SAMD14: variants seen among roughly 807,000 people sequenced by gnomAD.
The protein encoded by SAMD14 is sterile alpha motif domain containing 14.
A neutral mutation model predicts 46.2 loss-of-function variants in SAMD14; 27 were observed. That is an observed-to-expected ratio of 0.58 (90% CI 0.43 to 0.81). SAMD14 has a LOEUF of 0.81. Among genes scored for constraint, SAMD14 ranks in the 30% least tolerant of loss-of-function variants. The probability of loss-of-function intolerance (pLI) is 0.00; values close to 1 mark genes in which losing one functional copy is unlikely to be tolerated. For missense variants in SAMD14, 559 were observed against 582.2 expected, an observed-to-expected ratio of 0.96 and a Z score of 0.41; for synonymous variants, 241 against 254.3, an observed-to-expected ratio of 0.95 and a Z score of 0.50.
chr17:50,117,850 T>G, intron 3 of SAMD14, 155 bp from the exon 4 acceptor site: 1 of 803,986 alleles, frequency 1.2e-6, no homozygotes, highest in Non-Finnish European at 1.8e-6. Context: ...GGCTGGAGAG[T>G]GAGAGGTGGG....
rs985644153 is a variant in SAMD14 at position 50,124,011 on chromosome 17, G to A, written c.43+906C>T. 16 of 447,542 alleles carry A rather than the reference G, an allele frequency of 3.6e-5. 1 individual carries two copies. Among genetic ancestry groups the A allele is most frequent in the South Asian group, 9.4e-5 (6 of 64,050 alleles). 27.7% of individuals were successfully genotyped at this position (447,542 alleles called of 1,614,324 possible). ...TCCTGGCATGACCAGGGGAGAGAGG[G>A]AAGAAGGGAGAGATGAGGAGAAGCT... On this transcript the variant is annotated intron_variant, in intron 2 of 9. Coordinates refer to ENST00000330175, the MANE Select transcript of SAMD14 (RefSeq NM_001257359.2).
chr17:50,125,160 G>A, intron 1 of SAMD14, 189 bp from the exon 2 acceptor site: 1 of 583,476 alleles, frequency 1.7e-6, no homozygotes, highest in Non-Finnish European at 3.0e-6. Flanking sequence ...GGGCGCCGGG[G>A]CAGGCAGTAT....
At position 50,111,328 on chromosome 17, in the gene SAMD14, A is replaced by C. The variant is rs1305536332; in HGVS notation, c.*1565T>G. 1 of 152,294 alleles carries C rather than the reference A, an allele frequency of 6.6e-6. No homozygotes were observed. The highest frequency in any genetic ancestry group is 2.4e-5 in the African/African-American group (1 of 41,468). The allele number at this position is 152,294 out of a possible 1,614,324, so 9.4% of individuals were successfully genotyped here. A position where few individuals can be genotyped will look rare whatever the true frequency, so the allele number is the denominator to read the frequency against. On this transcript the variant is annotated 3_prime_UTR_variant, in exon 10 of 10. Transcript: ENST00000330175. ...CAGAAATTCTGGTCACTGGCACATC[A>C]TAAGGATTTATTGAAATAAATTGAG... is the stretch of plus-strand genomic sequence containing the variant.
Position 50,129,305 on chromosome 17 carries a change from G to A in SAMD14, c.-13+212C>T, listed in dbSNP as rs951949135. On this transcript the variant is annotated intron_variant, in intron 1 of 9. Transcript: ENST00000330175. This position sits in a 1 kb window ranked among gnomAD's most constrained non-coding sequence, Gnocchi z 5.6. Reference sequence around the variant, plus strand: ...CAGCTTTTTATTAATTTCTCCGGGCGTCGGGCGGGAGGGAGGGGATTAGGG... The same window carrying A: ...CAGCTTTTTATTAATTTCTCCGGGCATCGGGCGGGAGGGAGGGGATTAGGG... 6.6e-6 allele frequency among the ~76,000 whole-genome samples: 1 copy of A among 151,778 alleles called. No homozygotes were observed. The highest frequency in any genetic ancestry group is 2.4e-5 in the African/African-American group (1 of 41,338).
At chr17:50,118,026 A>T in intron 3 of SAMD14, 135 bp downstream of exon 3, 1 of 951,746 alleles carries the variant, frequency 1.1e-6, no homozygotes, top group East Asian at 2.7e-5. Context: ...ACTGCAGCTA[A>T]CACTTGGCAG....
intron 2 of SAMD14, among the ~76,000 whole-genome samples, chr17:50,121,855 T>A (rs1000033875): frequency 2.0e-5 from 3 of 152,198 alleles, no homozygotes; most frequent in Admixed American, 6.5e-5. Flanking sequence ...GCCGGCTGGG[T>A]GACTCTGGGC....
intron 1 of SAMD14, among the ~76,000 whole-genome samples, chr17:50,128,453 T>C (rs1911875865): frequency 8.5e-6 from 1 of 117,776 alleles, no homozygotes; most frequent in African/African-American, 3.4e-5. Context: ...GCCCCCACTC[T>C]CACTCCCACA....
intron 3 of SAMD14, 160 bp from the exon 4 acceptor site, chr17:50,117,855 G>C (rs1346493025): frequency 1.3e-6 from 1 of 781,858 alleles, no homozygotes; most frequent in African/African-American, 1.8e-5. Context: ...GAGAGTGAGA[G>C]GTGGGAAACA....
At chr17:50,113,331 C>T (rs901776571) in intron 9 of SAMD14, 6 of 408,772 alleles carry the variant, frequency 1.5e-5, no homozygotes, top group Non-Finnish European at 2.2e-5. Context: ...CCCGGACCTG[C>T]CCAACCTCCT....
rs747048884 is a variant in SAMD14 at position 50,115,878 on chromosome 17, C to T, written c.614G>A (p.Gly205Asp). The change falls in exon 6 of 10, where the codon GGC becomes GAC. Residue 205 changes from glycine to aspartate, a missense_variant. Coordinates refer to ENST00000330175, the MANE Select transcript of SAMD14 (RefSeq NM_001257359.2). This position sits in a 1 kb window ranked among gnomAD's most constrained non-coding sequence, Gnocchi z 5.3. ...LGVTLRRAST[G>D]KSRKEKGSNR... ...GCTGCCTTTCTCCTTCCGGCTCTTG[C>T]CCGTGGATGCTCGGCGCAGGGTGAC... The T allele has an allele frequency of 6.2e-7, 1 of 1,613,068 alleles. No individual in the cohort carries two copies. Among genetic ancestry groups the T allele is most frequent in the Non-Finnish European group, 8.5e-7 (1 of 1,179,734 alleles).
intron 7 of SAMD14, chr17:50,114,656 C>T (rs899986126): frequency 5.8e-6 from 3 of 519,954 alleles, no homozygotes; most frequent in African/African-American, 3.9e-5. Context: ...GGCCTTAGTA[C>T]CCCAGCTAAT....
At chr17:50,114,500 A>G in intron 7 of SAMD14, 194 bp from the exon 8 acceptor site, 1 of 1,529,918 alleles carries the variant, frequency 6.5e-7, no homozygotes, top group Non-Finnish European at 8.9e-7. Flanking sequence ...TTGGGAGAGC[A>G]GGCAGCCATC....
rs1276112312 is a variant in SAMD14, at chr17:50,129,621, C to T, written c.-117G>A. On this transcript the variant is annotated 5_prime_UTR_variant, in exon 1 of 10. Coordinates refer to ENST00000330175, the MANE Select transcript of SAMD14 (RefSeq NM_001257359.2). The surrounding 1 kb of genome is among the most constrained non-coding windows in gnomAD (Gnocchi z 5.6). ...GAGAGGGGTGGGGGGACCGTCACCCCGGCCGCGGGGGGCTCCGGGCGGGCT... is the reference window on the plus strand; with the variant it reads ...GAGAGGGGTGGGGGGACCGTCACCCTGGCCGCGGGGGGCTCCGGGCGGGCT... The T allele has an allele frequency of 1.3e-5, 2 of 150,852 alleles. No individual in the cohort carries two copies. The highest frequency in any genetic ancestry group is 6.6e-5 in the Admixed American group (1 of 15,200). The allele number at this position is 150,852 out of a possible 1,614,324, so 9.3% of individuals were successfully genotyped here. A position where few individuals can be genotyped will look rare whatever the true frequency, so the allele number is the denominator to read the frequency against.
In SAMD14 at chr17:50,114,279, G is replaced by A. The variant is rs1286610388; in HGVS notation, c.850C>T (p.Pro284Ser). ...QESTLSDDST[P>S]PSSSPKIPSG... is the part of the protein sequence containing the mutation. ...GGGATCTTGGGGCTGCTGCTGGGGG[G>A]CGTGGAGTCATCACTCAGAGTGGAT... The change falls in exon 8 of 10, where the codon CCC (proline) becomes TCC (serine). Residue 284 changes from proline (P) to serine (S), a missense_variant. By Grantham distance (74) the Pro-to-Ser change is moderately conservative. Coordinates refer to ENST00000330175, the MANE Select transcript of SAMD14 (RefSeq NM_001257359.2). 3 of 1,614,102 alleles carry A rather than the reference G, an allele frequency of 1.9e-6. No individual in the cohort carries two copies. Among genetic ancestry groups the A allele is most frequent in the Non-Finnish European group, 2.5e-6 (3 of 1,180,006 alleles).
chr17:50,117,011 C>A (rs1911239753), intron 4 of SAMD14, among the ~76,000 whole-genome samples: 1 of 151,890 alleles, frequency 6.6e-6, no homozygotes, highest in Non-Finnish European at 1.5e-5. Context: ...GCATACCACG[C>A]GGGGCTAATT....
intron 2 of SAMD14, among the ~76,000 whole-genome samples, chr17:50,118,728 T>C (rs1469608888): frequency 3.3e-5 from 5 of 151,976 alleles, no homozygotes; most frequent in Non-Finnish European, 7.4e-5. Flanking sequence ...CCAGGGACAG[T>C]TGGAGGGTAG....
chr17:50,128,911 C>T (rs893305351), intron 1 of SAMD14, among the ~76,000 whole-genome samples: 1 of 152,086 alleles, frequency 6.6e-6, no homozygotes, highest in Non-Finnish European at 1.5e-5. Context: ...AGAAGCCCTT[C>T]GGGCAGGCGA....
intron 1 of SAMD14, among the ~76,000 whole-genome samples, chr17:50,127,946 A>G (rs1205212159): frequency 8.5e-5 from 13 of 152,090 alleles, no homozygotes; most frequent in Admixed American, 8.5e-4. Flanking sequence ...CCCTTCTCCA[A>G]CTACTGGGAA....
rs1475178259 is a variant in SAMD14, at chr17:50,115,715, A to G, written c.671T>C (p.Val224Ala). ...NRLSMGSRES[V>A]EGSGRSGGSP... ...GCCCCCTGACCTGCCGGACCCCTCC[A>G]CTGACTCCCTGCAGAGAGAGTGTCC... is the stretch of plus-strand genomic sequence containing the variant. The change falls in exon 7 of 10, where the codon GTG becomes GCG. Residue 224 changes from valine (V) to alanine (A), a missense_variant. By Grantham distance (64) the Val-to-Ala change is moderately conservative. Coordinates refer to ENST00000330175, the MANE Select transcript of SAMD14 (RefSeq NM_001257359.2). This position sits in a 1 kb window ranked among gnomAD's most constrained non-coding sequence, Gnocchi z 5.3. 1 of 1,606,138 alleles carries G rather than the reference A, an allele frequency of 6.2e-7. No individual in the cohort carries two copies. The highest frequency in any genetic ancestry group is 2.2e-5 in the East Asian group (1 of 44,722).
Sources: gnomAD v4.1 joint callset for allele counts (sites outside exome capture counted in the v4.1 genomes callset) on GRCh38, gnomAD v4.1.1 for gene constraint, Gnocchi (gnomAD v3.1) non-coding constraint, MANE v1.5 for transcripts, NCBI Gene and HGNC (gene_info 2026-07-23, HGNC 2026-07-21) for gene names.